Variants in SGCZ observed in about 807,000 individuals in gnomAD.
SGCZ encodes zeta-sarcoglycan.
SGCZ carries 40 observed loss-of-function variants against 41.3 expected under a neutral mutation model. That is an observed-to-expected ratio of 0.97 (90% CI 0.75 to 1.26). The LOEUF is 1.26. Ranked by LOEUF, SGCZ falls within the 50% of genes most tolerant of loss-of-function variation. The probability of loss-of-function intolerance (pLI) is 0.00; values close to 1 mark genes in which losing one functional copy is unlikely to be tolerated. For missense variants in SGCZ, 552 were observed against 369.8 expected (o/e 1.49, Z -4.04); for synonymous variants, 206 against 137.5 (o/e 1.50, Z -3.49).
rs1377574353 is a variant in SGCZ at position 14,164,699 on chromosome 8, G to C, written c.428C>G (p.Ala143Gly). 6.2e-7 allele frequency: 1 copy of C among 1,613,388 alleles called. No homozygotes were observed. The highest frequency in any genetic ancestry group is 8.5e-7 in the Non-Finnish European group (1 of 1,179,574). ...GQLTGQLTIGADAVEAQCKRF... is the reference protein window; with the variant it reads ...GQLTGQLTIGGDAVEAQCKRF... ...TTTACACTGAGCTTCCACAGCATCA[G>C]CTCCTATGGTCAGAGGAAAGGTTTA... The change falls in exon 5 of 8, where the codon GCT becomes GGT. Residue 143 changes from alanine (A) to glycine (G), a missense_variant. Coordinates refer to ENST00000382080, the MANE Select transcript of SGCZ (RefSeq NM_139167.4).
chr8:15,043,388 T>A (rs1804181567), intron 1 of SGCZ, among the ~76,000 whole-genome samples: 1 of 152,132 alleles, frequency 6.6e-6, no homozygotes, highest in South Asian at 2.1e-4. Context: ...CATAATGGTA[T>A]AAATCTATGC....
chr8:15,033,854 C>A (rs1402328280), intron 1 of SGCZ, among the ~76,000 whole-genome samples: 1 of 152,164 alleles, frequency 6.6e-6, no homozygotes, highest in Non-Finnish European at 1.5e-5. Context: ...CCGTACTCAA[C>A]CCCACAGACC....
At chr8:14,962,336 C>G (rs762573004) in intron 1 of SGCZ, among the ~76,000 whole-genome samples, 6 of 151,718 alleles carry the variant, frequency 4.0e-5, no homozygotes, top group Non-Finnish European at 7.4e-5. Flanking sequence ...AGCTATTACC[C>G]TTTTAACAAG....
In SGCZ at chr8:14,587,452, G is replaced by A. The variant is rs140434143; in HGVS notation, c.40-32526C>T. On this transcript the variant is annotated intron_variant, in intron 1 of 7. Transcript: ENST00000382080. ...TTTGGGAGACGAAGGCAGGAATATGGCTTAAGCCTAGGAGTTTGAGACAAG... is the reference window on the plus strand; with the variant it reads ...TTTGGGAGACGAAGGCAGGAATATGACTTAAGCCTAGGAGTTTGAGACAAG... Among the ~76,000 whole-genome samples the A allele has an allele frequency of 9.6e-4, 146 of 151,880 alleles. No individual in the cohort carries two copies. In the East Asian group the frequency reaches 0.014, roughly 15 times the overall value.
At chr8:15,183,078 T>C (rs1430490882) in intron 1 of SGCZ, among the ~76,000 whole-genome samples, 1 of 152,198 alleles carries the variant, frequency 6.6e-6, no homozygotes, top group African/African-American at 2.4e-5. Context: ...GTAACAGGCA[T>C]GGAGCTGTCA....
At chr8:14,172,670 G>C (rs80088681) in intron 4 of SGCZ, among the ~76,000 whole-genome samples, 1 of 152,046 alleles carries the variant, frequency 6.6e-6, no homozygotes, top group African/African-American at 2.4e-5. Flanking sequence ...TCATTACATC[G>C]TTTTCCTAAG....
chr8:14,599,065 C>G (rs1304872110), intron 1 of SGCZ, among the ~76,000 whole-genome samples: 3 of 152,084 alleles, frequency 2.0e-5, no homozygotes, highest in South Asian at 2.1e-4. Flanking sequence ...GTGGTCTTCC[C>G]TACCTTATTC....
At chr8:14,718,509 G>A (rs1809771658) in intron 1 of SGCZ, among the ~76,000 whole-genome samples, 1 of 152,016 alleles carries the variant, frequency 6.6e-6, no homozygotes, top group Non-Finnish European at 1.5e-5. Flanking sequence ...ATAAAGAAGA[G>A]TCTTATAAAT....
At chr8:14,968,899 G>A (rs542138206) in intron 1 of SGCZ, among the ~76,000 whole-genome samples, 1 of 152,120 alleles carries the variant, frequency 6.6e-6, no homozygotes, top group African/African-American at 2.4e-5. Context: ...CTTTTCATTC[G>A]AGCTTTTTTT....
intron 1 of SGCZ, among the ~76,000 whole-genome samples, chr8:15,236,139 T>C (rs2117219611): frequency 6.6e-6 from 1 of 152,294 alleles, no homozygotes; most frequent in Middle Eastern, 3.4e-3. Flanking sequence ...CAGTCTTCGG[T>C]GGAAGTGGTG....
chr8:14,542,603 G>C (rs560607097), intron 2 of SGCZ, among the ~76,000 whole-genome samples: 143 of 152,076 alleles, frequency 9.4e-4, no homozygotes, highest in Admixed American at 2.0e-3. Context: ...TCTGAACTAG[G>C]GGCAGTAAGG....
chr8:14,091,797 A>G (rs760572604), intron 7 of SGCZ, among the ~76,000 whole-genome samples: 13 of 152,030 alleles, frequency 8.6e-5, no homozygotes, highest in Non-Finnish European at 1.9e-4. Context: ...CACTCTGATG[A>G]TAGTTTCTTT....
chr8:14,418,619 A>G (rs1173400337), intron 2 of SGCZ, among the ~76,000 whole-genome samples: 3 of 151,978 alleles, frequency 2.0e-5, no homozygotes, highest in Non-Finnish European at 4.4e-5. Context: ...CTAACTATCA[A>G]TTAATTATCA....
intron 1 of SGCZ, among the ~76,000 whole-genome samples, chr8:14,611,457 A>G (rs947686077): frequency 6.6e-6 from 1 of 152,212 alleles, no homozygotes; most frequent in Non-Finnish European, 1.5e-5. Flanking sequence ...GTGGCTTTAA[A>G]TTCCATTTTA....
intron 1 of SGCZ, among the ~76,000 whole-genome samples, chr8:15,155,718 A>G (rs1799310300): frequency 6.6e-6 from 1 of 152,204 alleles, no homozygotes; most frequent in African/African-American, 2.4e-5. Flanking sequence ...AATTGAATAT[A>G]CAGTATAAAC....
intron 1 of SGCZ, among the ~76,000 whole-genome samples, chr8:14,772,602 C>T (rs1437430347): frequency 7.4e-6 from 1 of 134,352 alleles, no homozygotes; most frequent in South Asian, 2.5e-4. Context: ...CAACAATCCC[C>T]AGAGTGTGAT....
intron 1 of SGCZ, among the ~76,000 whole-genome samples, chr8:14,810,914 C>T (rs763356131): frequency 1.6e-4 from 25 of 152,058 alleles, no homozygotes; most frequent in African/African-American, 6.0e-4. Context: ...CTTTAAAATG[C>T]TATCATCAAT....
chr8:15,123,405 A>T (rs1585587321), intron 1 of SGCZ, among the ~76,000 whole-genome samples: 1 of 152,154 alleles, frequency 6.6e-6, no homozygotes, highest in African/African-American at 2.4e-5. Context: ...TATATGCAAC[A>T]CTTTGTTGGA....
At chr8:14,267,088 G>C (rs964885396) in intron 3 of SGCZ, among the ~76,000 whole-genome samples, 1 of 151,922 alleles carries the variant, frequency 6.6e-6, no homozygotes. Context: ...ATTTAATTTG[G>C]AATATAATGA....
Sources: gnomAD v4.1 joint callset for allele counts (sites outside exome capture counted in the v4.1 genomes callset) on GRCh38, gnomAD v4.1.1 for gene constraint, MANE v1.5 for transcripts, NCBI Gene and HGNC (gene_info 2026-07-23, HGNC 2026-07-21) for gene names.